Variants in CEP164 observed in about 807,000 individuals in gnomAD.
The protein encoded by CEP164 is centrosomal protein 164, also known as centrosomal protein of 164 kDa.
CEP164 carries 162 observed loss-of-function variants against 182.7 expected under a neutral mutation model. That is an observed-to-expected ratio of 0.89 (90% CI 0.78 to 1.01). The LOEUF (loss-of-function observed/expected upper bound fraction) is 1.01, where lower values mean the gene tolerates loss of function less well. Among genes scored for constraint, CEP164 ranks in the 50% least tolerant of loss-of-function variants. CEP164 has a pLI of 0.00. For synonymous variants in CEP164, 661 were observed against 690.0 expected, an observed-to-expected ratio of 0.96 and a Z score of 0.66; for missense variants, 1,735 against 1,790.4, an observed-to-expected ratio of 0.97 and a Z score of 0.56.
chr11:117,351,423 C>T (rs688207), intron 4 of CEP164, among the ~76,000 whole-genome samples: 32,953 of 152,104 alleles, frequency 0.22, 3,736 homozygotes, highest in African/African-American at 0.27. Flanking sequence ...CTAGCACTTA[C>T]GTTCAACATA....
intron 27 of CEP164, among the ~76,000 whole-genome samples, chr11:117,407,199 G>A (rs552813188): frequency 2.2e-4 from 33 of 152,316 alleles, no homozygotes; most frequent in Admixed American, 1.2e-3. Context: ...CAGAGAGCAA[G>A]GGGCTGGAAC....
At chr11:117,350,365 G>T (rs2039471124) in intron 4 of CEP164, among the ~76,000 whole-genome samples, 1 of 152,086 alleles carries the variant, frequency 6.6e-6, no homozygotes, top group African/African-American at 2.4e-5. Context: ...CACTGTGCCT[G>T]GCTAATTTTT....
chr11:117,340,451 G>T (rs560491933), intron 3 of CEP164, among the ~76,000 whole-genome samples: 2 of 152,312 alleles, frequency 1.3e-5, no homozygotes, highest in Admixed American at 1.3e-4. Flanking sequence ...TGAGAGCAGG[G>T]TTCACAATTC....
intron 7 of CEP164, 46 bp downstream of exon 7, chr11:117,362,584 A>AT: frequency 1.3e-6 from 2 of 1,558,526 alleles, no homozygotes; most frequent in Non-Finnish European, 1.7e-6. Context: ...TCTGTGCCAT[A>AT]TTTTTTCCTT....
chr11:117,324,037 A>G, upstream of CEP164: 1 of 244,426 alleles, frequency 4.1e-6, no homozygotes. Context: ...TTTGTCATCA[A>G]TTCTTTCCCA....
At chr11:117,343,280 C>G (rs2038383705) in intron 3 of CEP164, among the ~76,000 whole-genome samples, 1 of 152,236 alleles carries the variant, frequency 6.6e-6, no homozygotes, top group African/African-American at 2.4e-5. Context: ...TGAGTATCAT[C>G]CACTTTCTCA....
At chr11:117,377,047 C>T (rs765267706) in intron 11 of CEP164, among the ~76,000 whole-genome samples, 21 of 152,258 alleles carry the variant, frequency 1.4e-4, no homozygotes, top group Non-Finnish European at 2.6e-4. Context: ...CTTGCTGTAA[C>T]GCAGTAGCAG....
At chr11:117,351,728 C>CTTTT in intron 4 of CEP164, 62 bp from the exon 5 acceptor site, 68 of 1,332,634 alleles carry the variant, frequency 5.1e-5, no homozygotes, top group South Asian at 2.8e-4. Flanking sequence ...TTTTTCCCCT[C>CTTTT]TTTTTTTTTT....
intron 15 of CEP164, among the ~76,000 whole-genome samples, chr11:117,390,311 C>T (rs1159928476): frequency 6.6e-6 from 1 of 151,986 alleles, no homozygotes; most frequent in East Asian, 1.9e-4. Flanking sequence ...ATTAGGGAGG[C>T]AGCAGTGGAC....
At position 117,392,247 on chromosome 11, in the gene CEP164, G is replaced by A. The variant is rs765959963; in HGVS notation, c.2305G>A (p.Glu769Lys). The change falls in exon 18 of 33, where the codon GAG (glutamate) becomes AAG (lysine). Residue 769 changes from glutamate (E) to lysine (K), a missense_variant. Glu to Lys is a moderately conservative substitution (Grantham distance 56). Coordinates refer to ENST00000278935, the MANE Select transcript of CEP164 (RefSeq NM_014956.5). ...CCAGGCTGTGGCAACGCTGGAGAAGGAGCACAGTGCTGAGCTGGAGCGGCT... is the reference window on the plus strand; with the variant it reads ...CCAGGCTGTGGCAACGCTGGAGAAGAAGCACAGTGCTGAGCTGGAGCGGCT... The part of the protein sequence containing the change: ...RKEAVATLEK[E>K]HSAELERLCS... The A allele has an allele frequency of 2.5e-6, 4 of 1,609,144 alleles. No homozygotes were observed. In the Admixed American group the frequency reaches 5.0e-5, roughly 20 times the overall value.
At chr11:117,399,898 A>G (rs1277720523) in intron 27 of CEP164, among the ~76,000 whole-genome samples, 2 of 152,068 alleles carry the variant, frequency 1.3e-5, no homozygotes, top group Admixed American at 1.3e-4. Flanking sequence ...CCTTTGTCAG[A>G]TGGGTAGATT....
chr11:117,325,997 G>A (rs958188525), upstream of CEP164, among the ~76,000 whole-genome samples: 2 of 136,056 alleles, frequency 1.5e-5, no homozygotes, highest in Admixed American at 8.2e-5. Flanking sequence ...CACAGACTCC[G>A]CCTCCTGGGT....
chr11:117,396,147 C>A lies in CEP164; in HGVS notation c.3183C>A (p.Leu1061=), dbSNP rs144700973. The A allele has an allele frequency of 3.8e-5, 61 of 1,605,726 alleles. No homozygotes were observed. In the African/African-American group the frequency reaches 7.4e-4, roughly 19 times the overall value. The change falls in exon 25 of 33, where the codon CTC becomes CTA. Residue 1061 remains leucine (L), a synonymous_variant. Coordinates refer to ENST00000278935, the MANE Select transcript of CEP164 (RefSeq NM_014956.5). ...CTTCCCCACATTTTGAGCCAGATCTCCATATTGAGGACCTGAGGAAATCCC... is the reference window on the plus strand; with the variant it reads ...CTTCCCCACATTTTGAGCCAGATCTACATATTGAGGACCTGAGGAAATCCC... ...NNASPHFEPD[L]HIEDLRKSLG...
intron 5 of CEP164, chr11:117,356,740 T>C (rs758940209): frequency 3.9e-6 from 4 of 1,034,992 alleles, no homozygotes; most frequent in Non-Finnish European, 2.4e-6. Context: ...GTGGTAACTA[T>C]TGGCCCTTTA....
At chr11:117,337,117 G>A (rs1032187394) in intron 2 of CEP164, among the ~76,000 whole-genome samples, 3 of 152,116 alleles carry the variant, frequency 2.0e-5, no homozygotes, top group Non-Finnish European at 2.9e-5. Flanking sequence ...ACACAATACC[G>A]TAGACTGGGG....
intron 15 of CEP164, 120 bp from the exon 16 acceptor site, chr11:117,390,657 A>AG: frequency 5.7e-6 from 6 of 1,061,664 alleles, no homozygotes; most frequent in Non-Finnish European, 6.8e-6. Flanking sequence ...AAAAAAAAAA[A>AG]GATTTAGGAA....
intron 30 of CEP164, 144 bp downstream of exon 30, chr11:117,410,109 C>G: frequency 3.7e-6 from 3 of 817,360 alleles, no homozygotes; most frequent in South Asian, 2.9e-5. Context: ...CCAACGTTAC[C>G]ATAGTCCATT....
chr11:117,393,158 C>G, intron 20 of CEP164, 32 bp downstream of exon 20: 1 of 1,602,918 alleles, frequency 6.2e-7, no homozygotes, highest in South Asian at 1.1e-5. Context: ...CGCGCATGCA[C>G]ACACATGCAC....
intron 27 of CEP164, among the ~76,000 whole-genome samples, chr11:117,402,188 G>A (rs1388722579): frequency 6.7e-6 from 1 of 150,306 alleles, no homozygotes; most frequent in Non-Finnish European, 1.5e-5. Flanking sequence ...GTTCTCATTG[G>A]TTTCAAAGAA....
Sources: allele counts gnomAD v4.1 joint callset (sites outside exome capture counted in the v4.1 genomes callset), GRCh38; gene constraint gnomAD v4.1.1; transcripts MANE v1.5; gene names NCBI Gene and HGNC (gene_info 2026-07-23, HGNC 2026-07-21).